The following CACNA1I variants were observed in gnomAD, a reference collection of about 807,000 sequenced individuals.
CACNA1I encodes the protein calcium voltage-gated channel subunit alpha1 I.
In CACNA1I, 74 loss-of-function variants were observed where a neutral mutation model predicts 201.6. The ratio of observed to expected loss-of-function variants is 0.37; its 90% CI spans 0.30 to 0.45. CACNA1I has a LOEUF of 0.45. Among genes scored for constraint, CACNA1I ranks in the 20% least tolerant of loss-of-function variants. The probability of loss-of-function intolerance (pLI) is 1.00; values close to 1 mark genes in which losing one functional copy is unlikely to be tolerated. For synonymous variants in CACNA1I, 1,431 were observed against 1,345.2 expected, an observed-to-expected ratio of 1.06 and a Z score of -1.40; for missense variants, 2,346 against 3,138.1, an observed-to-expected ratio of 0.75 and a Z score of 6.03.
Position 39,659,541 on chromosome 22 carries a change from T to C in CACNA1I, c.2439T>C (p.Thr813=). Residue 813 remains threonine, a synonymous_variant, in exon 13 of 37, where the codon ACT becomes ACC. Coordinates refer to ENST00000402142, the MANE Select transcript of CACNA1I (RefSeq NM_021096.4). The surrounding 1 kb of genome is among the most constrained non-coding windows in gnomAD (Gnocchi z 4.3). The part of the protein sequence containing the change: ...NFDSLLWAIV[T]VFQILTQEDW... ...ACTCCCTGCTGTGGGCCATCGTCAC[T>C]GTGTTCCAGGTGAGTGGCCGCTGCG... The C allele has an allele frequency of 6.2e-7, 1 of 1,606,830 alleles. No individual in the cohort carries two copies. The highest frequency in any genetic ancestry group is 8.5e-7 in the Non-Finnish European group (1 of 1,175,804).
Position 39,681,013 on chromosome 22 carries a change from G to A in CACNA1I, c.5625G>A (p.Glu1875=). 6.2e-7 allele frequency: 1 copy of A among 1,611,236 alleles called. No individual in the cohort carries two copies. Among genetic ancestry groups the A allele is most frequent in the Non-Finnish European group, 8.5e-7 (1 of 1,179,386 alleles). The change falls in exon 34 of 37, where the codon GAG becomes GAA. Residue 1875 remains glutamate, a synonymous_variant. Coordinates refer to ENST00000402142, the MANE Select transcript of CACNA1I (RefSeq NM_021096.4). ...TGCTGGGTGACGACCTGAGTCTCGA[G>A]GACCCCACAGCCTGCCCACCTGGCC... ...SILLGDDLSL[E]DPTACPPGRK...
Position 39,646,092 on chromosome 22 carries a change from G to T in CACNA1I, c.1150-477G>T, listed in dbSNP as rs77242848. Among the ~76,000 whole-genome samples the T allele has an allele frequency of 8.4e-3, 1,281 of 152,130 alleles. 14 individuals are homozygous for T. Among genetic ancestry groups the T allele is most frequent in the African/African-American group, 0.029 (1,212 of 41,498 alleles). The stretch of plus-strand genomic sequence containing the variant: ...GGGCCTAGGGGTCTGAGGGGAGCTG[G>T]GCTTTGAAGCAGATTCCGGTCGGGC... On this transcript the variant is annotated intron_variant, in intron 7 of 36. Coordinates refer to ENST00000402142, the MANE Select transcript of CACNA1I (RefSeq NM_021096.4).
chr22:39,587,883 C>T (rs559582795), intron 1 of CACNA1I: 1 of 311,634 alleles, frequency 3.2e-6, no homozygotes, highest in African/African-American at 2.3e-5. Context: ...TCAAGCAGTT[C>T]TCCTGCCTCA....
intron 10 of CACNA1I, 146 bp downstream of exon 10, chr22:39,650,071 C>T (rs2146431566): frequency 8.2e-6 from 7 of 851,420 alleles, no homozygotes; most frequent in Non-Finnish European, 1.1e-5. Context: ...CCAGTTCATC[C>T]ATGTGACCTT....
In CACNA1I at chr22:39,685,894, G is replaced by C; in HGVS notation, c.6161G>C (p.Gly2054Ala). The C allele has an allele frequency of 7.0e-7, 1 of 1,431,664 alleles. No homozygotes were observed. Among genetic ancestry groups the C allele is most frequent in the Non-Finnish European group, 9.1e-7 (1 of 1,100,076 alleles). 88.7% of individuals were successfully genotyped at this position (1,431,664 alleles called of 1,614,324 possible). The change falls in exon 37 of 37, where the codon GGA (glycine) becomes GCA (alanine). Residue 2054 changes from glycine to alanine, a missense_variant. Physicochemically the swap from Gly to Ala is moderately conservative, Grantham distance 60. Around this residue, in one of 13 missense-constraint regions of CACNA1I, gnomAD observed 441 missense variants for 555.6 expected, o/e 0.79. Transcript: ENST00000402142. The surrounding 1 kb of genome is among the most constrained non-coding windows in gnomAD (Gnocchi z 5.0). ...CTGGGGCCGCCCGCGCCTGCTCCAG[G>C]ACCCCGGGCCGGCCTGTCCCCCGCC... ...RALGPPAPAP[G>A]PRAGLSPAAR...
intron 1 of CACNA1I, among the ~76,000 whole-genome samples, chr22:39,572,776 A>G (rs1243175757): frequency 6.6e-6 from 1 of 150,912 alleles, no homozygotes; most frequent in Non-Finnish European, 1.5e-5. Flanking sequence ...TTTTTTTTTT[A>G]GATGGAGTCT....
intron 1 of CACNA1I, among the ~76,000 whole-genome samples, chr22:39,597,143 A>AT (rs1458410582): frequency 6.6e-6 from 1 of 152,126 alleles, no homozygotes; most frequent in African/African-American, 2.4e-5. Flanking sequence ...GTAGGCACAG[A>AT]TTTTCGAAGG....
At chr22:39,618,407 G>T (rs1252252176) in intron 3 of CACNA1I, among the ~76,000 whole-genome samples, 1 of 151,856 alleles carries the variant, frequency 6.6e-6, no homozygotes, top group Non-Finnish European at 1.5e-5. Context: ...GTGTGTGGTT[G>T]TGTGCATGTA....
At chr22:39,618,317 G>T (rs566241378) in intron 3 of CACNA1I, among the ~76,000 whole-genome samples, 1 of 151,194 alleles carries the variant, frequency 6.6e-6, no homozygotes, top group South Asian at 2.1e-4. Flanking sequence ...GATTATGTGC[G>T]TGTGTGTGAT....
Position 39,679,422 on chromosome 22 carries a change from C to T in CACNA1I, c.5371C>T (p.Arg1791Trp), listed in dbSNP as rs1358965666. ...GGGDTEGGLC[R>W]RCYSPAQENL... ...GGGCGACACCGAGGGCGGCTTGTGC[C>T]GGCGCTGCTACTCGCCTGCCCAGGT... Residue 1791 changes from arginine to tryptophan, a missense_variant, in exon 32 of 37, where the codon CGG becomes TGG. Transcript: ENST00000402142. The T allele has an allele frequency of 3.7e-5, 53 of 1,428,268 alleles. No homozygotes were observed. Among genetic ancestry groups the T allele is most frequent in the East Asian group, 1.9e-4 (7 of 36,994 alleles). 88.5% of individuals were successfully genotyped at this position (1,428,268 alleles called of 1,614,324 possible).
Position 39,682,482 on chromosome 22 carries a change from C to A in CACNA1I, c.5665-14C>A. 6.2e-7 allele frequency: 1 copy of A among 1,612,190 alleles called. No individual in the cohort carries two copies. Among genetic ancestry groups the A allele is most frequent in the South Asian group, 1.1e-5 (1 of 90,932 alleles). The stretch of plus-strand genomic sequence containing the variant: ...TTCCCAGTCCTGCCCCATCCTACCT[C>A]CCTTTCCTTGCAGGGTGAGCTGGAC... On this transcript the variant is annotated splice_polypyrimidine_tract_variant and intron_variant, in intron 34 of 36. Coordinates refer to ENST00000402142, the MANE Select transcript of CACNA1I (RefSeq NM_021096.4).
intron 1 of CACNA1I, among the ~76,000 whole-genome samples, chr22:39,597,831 G>A (rs1200319338): frequency 6.6e-6 from 1 of 152,182 alleles, no homozygotes. Flanking sequence ...GGCTGGGACA[G>A]CCCAGAGTTC....
intron 1 of CACNA1I, among the ~76,000 whole-genome samples, chr22:39,577,688 G>T (rs1569044173): frequency 6.6e-6 from 1 of 152,256 alleles, no homozygotes; most frequent in Non-Finnish European, 1.5e-5. Flanking sequence ...AGGCGCCTGT[G>T]GGACGATGGC....
chr22:39,586,820 A>T (rs767375980), intron 1 of CACNA1I, among the ~76,000 whole-genome samples: 7 of 152,158 alleles, frequency 4.6e-5, no homozygotes, highest in Non-Finnish European at 1.0e-4. Flanking sequence ...TCACCCTCTC[A>T]GTTCAATGGC....
At chr22:39,593,624 G>A (rs1017935079) in intron 1 of CACNA1I, among the ~76,000 whole-genome samples, 1 of 152,160 alleles carries the variant, frequency 6.6e-6, no homozygotes, top group Admixed American at 6.5e-5. Flanking sequence ...TCTACCTTGC[G>A]TACCAGGCTT....
intron 35 of CACNA1I, among the ~76,000 whole-genome samples, chr22:39,683,929 A>T (rs988732940): frequency 6.6e-5 from 10 of 152,136 alleles, no homozygotes; most frequent in Admixed American, 6.5e-5. Context: ...GTGAGCACCT[A>T]CTATGTACTT....
chr22:39,679,415 C>A lies in CACNA1I; in HGVS notation c.5364C>A (p.Gly1788=). The A allele has an allele frequency of 7.0e-7, 1 of 1,434,138 alleles. No homozygotes were observed. The highest frequency in any genetic ancestry group is 9.0e-7 in the Non-Finnish European group (1 of 1,106,762). 88.8% of individuals were successfully genotyped at this position (1,434,138 alleles called of 1,614,324 possible). A position where few individuals can be genotyped will look rare whatever the true frequency, so the allele number is the denominator to read the frequency against. The stretch of plus-strand genomic sequence containing the variant: ...GCGGCGGGGGCGACACCGAGGGCGG[C>A]TTGTGCCGGCGCTGCTACTCGCCTG... ...GAGGGGDTEG[G]LCRRCYSPAQ... is the part of the protein sequence containing the mutation. Residue 1788 remains glycine (G), a synonymous_variant, in exon 32 of 37, where the codon GGC becomes GGA. Transcript: ENST00000402142.
chr22:39,598,412 C>CTGCACTACCAA, intron 2 of CACNA1I, 150 bp downstream of exon 2: 1 of 619,604 alleles, frequency 1.6e-6, no homozygotes, highest in South Asian at 1.8e-5. Flanking sequence ...CCATCCTGCG[C>CTGCACTACCAA]TGCACTACCA....
rs1933995487 is a variant in CACNA1I, at chr22:39,629,535, C to CCAGGCAGGGA, written c.581-5021_581-5020insACAGGCAGGG. On this transcript the variant is annotated intron_variant, in intron 4 of 36. Transcript: ENST00000402142. This position sits in a 1 kb window ranked among gnomAD's most constrained non-coding sequence, Gnocchi z 4.8. ...TATCACAATGATGAATGTATGACGG[C>CCAGGCAGGGA]CAGGCAGGGCCAGGCAGGACGGAGA... Among the ~76,000 whole-genome samples the CCAGGCAGGGA allele has an allele frequency of 6.6e-6, 1 of 151,600 alleles. No homozygotes were observed. The highest frequency in any genetic ancestry group is 1.5e-5 in the Non-Finnish European group (1 of 68,010).
Sources: allele counts gnomAD v4.1 joint callset (sites outside exome capture counted in the v4.1 genomes callset), GRCh38; gene constraint gnomAD v4.1.1; regional missense constraint gnomAD v4.1.1; non-coding constraint Gnocchi (gnomAD v3.1); transcripts MANE v1.5; gene names NCBI Gene and HGNC (gene_info 2026-07-23, HGNC 2026-07-21).